The following CALCR variants were observed in gnomAD, a reference collection of about 807,000 sequenced individuals.
The protein encoded by CALCR is calcitonin receptor.
In CALCR, 47 loss-of-function variants were observed where a neutral mutation model predicts 59.5. That is an observed-to-expected ratio of 0.79 (90% CI 0.63 to 1.01). The LOEUF is 1.01. Among genes scored for constraint, CALCR ranks in the 50% least tolerant of loss-of-function variants. The pLI is 0.00. For synonymous variants in CALCR, 213 were observed against 211.3 expected (o/e 1.01, Z -0.07); for missense variants, 566 against 597.1 (o/e 0.95, Z 0.54).
chr7:93,541,945 T>C (rs2116186291), intron 2 of CALCR, among the ~76,000 whole-genome samples: 1 of 152,296 alleles, frequency 6.6e-6, no homozygotes, highest in South Asian at 2.1e-4. Flanking sequence ...AGCTGGTTTT[T>C]TTTGGATATA....
chr7:93,536,954 G>A (rs77527082), intron 2 of CALCR, among the ~76,000 whole-genome samples: 34 of 151,778 alleles, frequency 2.2e-4, no homozygotes, highest in African/African-American at 8.2e-4. Flanking sequence ...GGGTAAAGTA[G>A]CACAATGTTT....
chr7:93,478,871 G>A (rs1020721331), intron 4 of CALCR, among the ~76,000 whole-genome samples: 1 of 151,752 alleles, frequency 6.6e-6, no homozygotes, highest in African/African-American at 2.4e-5. Flanking sequence ...GTCTGGCTAG[G>A]AGGTACCTTT....
At position 93,524,232 on chromosome 7, in the gene CALCR, T is replaced by G. The variant is rs181976306; in HGVS notation, c.-26-37225A>C. ...TTGCCCAGGCTGGAGTGCAGTGGCA[T>G]GATCTCAGCTCACTGCAAGCTCCGC... On this transcript the variant is annotated intron_variant, in intron 2 of 13. Coordinates refer to ENST00000426151, the MANE Select transcript of CALCR (RefSeq NM_001742.4). Among the ~76,000 whole-genome samples the G allele has an allele frequency of 7.1e-3, 1,072 of 151,052 alleles. 6 individuals carry two copies. The highest frequency in any genetic ancestry group is 0.017 in the Middle Eastern group (5 of 292).
At chr7:93,534,511 T>A (rs1040599261) in intron 2 of CALCR, among the ~76,000 whole-genome samples, 1 of 151,790 alleles carries the variant, frequency 6.6e-6, no homozygotes, top group African/African-American at 2.4e-5. Context: ...AATAAAGATA[T>A]AAATGTAAGT....
At chr7:93,472,725 A>C (rs572781727) in intron 5 of CALCR, among the ~76,000 whole-genome samples, 32 of 151,830 alleles carry the variant, frequency 2.1e-4, no homozygotes, top group African/African-American at 7.7e-4. Context: ...CATTTTACAA[A>C]TTCAAAGCAG....
intron 12 of CALCR, among the ~76,000 whole-genome samples, chr7:93,434,762 T>A (rs1275637462): frequency 6.6e-6 from 1 of 152,146 alleles, no homozygotes; most frequent in Non-Finnish European, 1.5e-5. Context: ...ATCGCTCAGA[T>A]AAGGACATGG....
At chr7:93,459,739 G>C (rs369679068) in intron 8 of CALCR, among the ~76,000 whole-genome samples, 403 of 152,278 alleles carry the variant, frequency 2.6e-3, no homozygotes, top group African/African-American at 8.7e-3. Flanking sequence ...ACAGTATCTT[G>C]AGTATAAAGA....
At chr7:93,482,914 T>C (rs1193265229) in intron 3 of CALCR, 1 of 523,330 alleles carries the variant, frequency 1.9e-6, no homozygotes, top group African/African-American at 2.0e-5. Flanking sequence ...CCTGGTCTGG[T>C]TCATATTTGA....
chr7:93,554,870 C>A (rs552092337), intron 2 of CALCR, among the ~76,000 whole-genome samples: 9 of 150,536 alleles, frequency 6.0e-5, no homozygotes, highest in African/African-American at 2.0e-4. Flanking sequence ...GTGCTGAGAA[C>A]CTTAATCATT....
rs145755575 is a variant in CALCR at position 93,540,011 on chromosome 7, A to T, written c.-27+34278T>A. ...GTTTCCCACTAGGCTTTTAATGCCT[A>T]GTCCCATTCCCTTGGGGGAATTGTG... On this transcript the variant is annotated intron_variant, in intron 2 of 13. Transcript: ENST00000426151. Among the ~76,000 whole-genome samples the T allele has an allele frequency of 2.1e-3, 326 of 152,336 alleles. 5 individuals carry two copies. The highest frequency in any genetic ancestry group is 7.4e-3 in the African/African-American group (309 of 41,580).
At chr7:93,473,455 G>A (rs1050051765) in intron 5 of CALCR, among the ~76,000 whole-genome samples, 1 of 151,722 alleles carries the variant, frequency 6.6e-6, no homozygotes, top group African/African-American at 2.4e-5. Flanking sequence ...TGTGCCAACT[G>A]GTCAGAGGAA....
rs577728822 is a variant in CALCR at position 93,463,963 on chromosome 7, A to G, written c.522-3016T>C. Among the ~76,000 whole-genome samples, 12 of 152,172 alleles carry G rather than the reference A, an allele frequency of 7.9e-5. No homozygotes were observed. In the South Asian group the frequency reaches 1.7e-3, roughly 21 times the overall value. The stretch of plus-strand genomic sequence containing the variant: ...TCCAGTAGTAGGAGGATGAGACAAC[A>G]TAATTTACTTCTACAACATAATCTA... On this transcript the variant is annotated intron_variant, in intron 7 of 13. Transcript: ENST00000426151.
chr7:93,435,824 T>TAA (rs71537258), intron 12 of CALCR, 128 bp downstream of exon 12: 12 of 312,126 alleles, frequency 3.8e-5, no homozygotes, highest in East Asian at 1.7e-4. Flanking sequence ...TAAAATAAAA[T>TAA]AATAAATAAA....
intron 3 of CALCR, among the ~76,000 whole-genome samples, chr7:93,486,172 G>A (rs1800939684): frequency 6.6e-6 from 1 of 151,374 alleles, no homozygotes; most frequent in African/African-American, 2.4e-5. Context: ...TGACAGAAAG[G>A]ATAAGAAGCA....
At chr7:93,453,977 G>A (rs938929812) in intron 8 of CALCR, among the ~76,000 whole-genome samples, 4 of 151,962 alleles carry the variant, frequency 2.6e-5, no homozygotes, top group Admixed American at 1.3e-4. Flanking sequence ...CCACATCTTG[G>A]CATTACTGTC....
chr7:93,436,736 G>A (rs1366493421), intron 11 of CALCR, among the ~76,000 whole-genome samples: 1 of 151,982 alleles, frequency 6.6e-6, no homozygotes, highest in African/African-American at 2.4e-5. Context: ...GTCTTTTTGG[G>A]GGGCCTCTAT....
intron 8 of CALCR, among the ~76,000 whole-genome samples, chr7:93,457,613 C>A (rs1453162801): frequency 2.0e-5 from 3 of 152,180 alleles, no homozygotes; most frequent in Non-Finnish European, 4.4e-5. Flanking sequence ...AGCCTCATTT[C>A]TTGGCCTGCT....
chr7:93,537,654 T>C (rs1436397781), intron 2 of CALCR, among the ~76,000 whole-genome samples: 1 of 151,830 alleles, frequency 6.6e-6, no homozygotes, highest in African/African-American at 2.4e-5. Context: ...CTTGTTACAG[T>C]GCTTTCCATG....
intron 2 of CALCR, among the ~76,000 whole-genome samples, chr7:93,553,174 G>A (rs1374227429): frequency 6.6e-6 from 1 of 152,168 alleles, no homozygotes; most frequent in East Asian, 1.9e-4. Context: ...ACCCATGGTG[G>A]AGATATTTCA....
Sources: allele counts gnomAD v4.1 joint callset (sites outside exome capture counted in the v4.1 genomes callset), GRCh38; gene constraint gnomAD v4.1.1; transcripts MANE v1.5; gene names NCBI Gene and HGNC (gene_info 2026-07-23, HGNC 2026-07-21).